Variants in KRT84 observed in about 807,000 individuals in gnomAD.
KRT84 encodes keratin 84, also known as keratin, type II cuticular Hb4.
KRT84 carries 38 observed loss-of-function variants against 49.0 expected under a neutral mutation model. The observed-to-expected ratio is 0.78, with a 90% CI of 0.60 to 1.02. The LOEUF (loss-of-function observed/expected upper bound fraction) is 1.02. Ranked by LOEUF, KRT84 falls within the 50% of genes least tolerant of loss-of-function variation. The pLI is 0.00. For synonymous variants in KRT84, 334 were observed against 312.8 expected (o/e 1.07, Z -0.72); for missense variants, 860 against 788.6 (o/e 1.09, Z -1.08).
rs748083086 is a variant in KRT84, at chr12:52,383,658, G to A, written c.687C>T (p.Val229=). 1.9e-6 allele frequency: 3 copies of A among 1,614,120 alleles called. No individual in the cohort carries two copies. The Admixed American group carries it at 5.0e-5, about 27-fold the overall frequency. The change falls in exon 2 of 9, where the codon GTC becomes GTT. Residue 229 remains valine (V), a synonymous_variant. Transcript: ENST00000257951. ...CAGCCTGGAGCCGGGCCTGATCACTGACCAGCACCTCCAACTGCCTCCGCA... is the reference window on the plus strand; with the variant it reads ...CAGCCTGGAGCCGGGCCTGATCACTAACCAGCACCTCCAACTGCCTCCGCA... ...TNLRRQLEVL[V]SDQARLQAER... is the part of the protein sequence containing the mutation.
In KRT84 at chr12:52,378,385, G is replaced by T. The variant is rs766518950; in HGVS notation, c.1457-5C>A. On this transcript the variant is annotated splice_region_variant and splice_polypyrimidine_tract_variant and intron_variant, in intron 8 of 8. Transcript: ENST00000257951. ...CGCCCCGGGAGCTGCTGACGGCTGC[G>T]GAGAAAGAAAGCATCAGGGAGGCTG... 6.9e-7 allele frequency: 1 copy of T among 1,451,526 alleles called. No homozygotes were observed. The highest frequency in any genetic ancestry group is 9.0e-7 in the Non-Finnish European group (1 of 1,105,172). 89.9% of individuals were successfully genotyped at this position (1,451,526 alleles called of 1,614,324 possible).
Position 52,381,170 on chromosome 12 carries a change from A to G in KRT84, c.1113T>C (p.Cys371=), listed in dbSNP as rs772063198. The part of the protein sequence containing the change: ...EEMQVTAGQH[C]DNLRNIRNEI... ...CGTTCCGTATGTTGCGCAGGTTGTC[A>G]CAGTGTTGGCCAGCTGTCACCTGCA... is the stretch of plus-strand genomic sequence containing the variant. Residue 371 remains cysteine (C), a synonymous_variant, in exon 6 of 9, where the codon TGT becomes TGC. Coordinates refer to ENST00000257951, the MANE Select transcript of KRT84 (RefSeq NM_033045.4). 3.5e-5 allele frequency: 57 copies of G among 1,613,946 alleles called. No homozygotes were observed. The highest frequency in any genetic ancestry group is 4.5e-5 in the Non-Finnish European group (53 of 1,180,018).
At position 52,381,471 on chromosome 12, in the gene KRT84, C is replaced by G; in HGVS notation, c.967G>C (p.Asp323His). The G allele has an allele frequency of 6.2e-7, 1 of 1,614,156 alleles. No homozygotes were observed. Among genetic ancestry groups the G allele is most frequent in the Non-Finnish European group, 8.5e-7 (1 of 1,180,044 alleles). ...TCAAGGTTCAGGTCACGGCTGTTGTCCATCTTCACAATGACCGACGTCTCT... is the reference window on the plus strand; with the variant it reads ...TCAAGGTTCAGGTCACGGCTGTTGTGCATCTTCACAATGACCGACGTCTCT... ...ISETSVIVKM[D>H]NSRDLNLDGI... The change falls in exon 5 of 9, where the codon GAC becomes CAC. Residue 323 changes from aspartate (D) to histidine (H), a missense_variant. Physicochemically the swap from Asp to His is moderately conservative, Grantham distance 81. Transcript: ENST00000257951.
At chr12:52,386,492 G>A (rs941677123), upstream of KRT84, among the ~76,000 whole-genome samples, 2 of 151,466 alleles carry the variant, frequency 1.3e-5, no homozygotes, top group African/African-American at 4.9e-5. Flanking sequence ...AGATAGCTGG[G>A]ACTACAGGCA....
Position 52,381,160 on chromosome 12 carries a change from G to C in KRT84, c.1123C>G (p.Arg375Gly). Reference protein sequence around the residue: ...VTAGQHCDNLRNIRNEINELT... With the variant: ...VTAGQHCDNLGNIRNEINELT... ...TCGTTGATCTCGTTCCGTATGTTGC[G>C]CAGGTTGTCACAGTGTTGGCCAGCT... is the stretch of plus-strand genomic sequence containing the variant. The change falls in exon 6 of 9, where the codon CGC becomes GGC. Residue 375 changes from arginine to glycine, a missense_variant. Arg to Gly is a moderately radical substitution (Grantham distance 125). Transcript: ENST00000257951. The C allele has an allele frequency of 6.2e-7, 1 of 1,614,092 alleles. No individual in the cohort carries two copies. The highest frequency in any genetic ancestry group is 8.5e-7 in the Non-Finnish European group (1 of 1,180,018).
At position 52,385,480 on chromosome 12, in the gene KRT84, C is replaced by G. The variant is rs374264728; in HGVS notation, c.106G>C (p.Val36Leu). 3.9e-5 allele frequency: 63 copies of G among 1,614,116 alleles called. No homozygotes were observed. The highest frequency in any genetic ancestry group is 5.3e-5 in the Non-Finnish European group (62 of 1,180,054). Reference protein sequence around the residue: ...QNLNRFRANSVSCWSGPGFRG... With the variant: ...QNLNRFRANSLSCWSGPGFRG... Reference sequence around the variant, plus strand: ...AATCCAGGCCCACTCCAACAGGAGACAGAGTTGGCCCGGAAGCGATTCAGG... The same window carrying G: ...AATCCAGGCCCACTCCAACAGGAGAGAGAGTTGGCCCGGAAGCGATTCAGG... Residue 36 changes from valine (V) to leucine (L), a missense_variant, in exon 1 of 9, where the codon GTC (valine) becomes CTC (leucine). Val to Leu is a conservative substitution (Grantham distance 32, BLOSUM62 1). Coordinates refer to ENST00000257951, the MANE Select transcript of KRT84 (RefSeq NM_033045.4).
intron 7 of KRT84, 117 bp from the exon 8 acceptor site, chr12:52,380,024 G>T (rs1271804141): frequency 3.5e-6 from 3 of 865,910 alleles, no homozygotes; most frequent in African/African-American, 1.7e-5. Flanking sequence ...TCTCACCCCT[G>T]GTTATACACA....
At chr12:52,383,109 G>C in intron 2 of KRT84, 44 bp from the exon 3 acceptor site, 1 of 1,543,008 alleles carries the variant, frequency 6.5e-7, no homozygotes, top group Non-Finnish European at 9.0e-7. Flanking sequence ...TCTGAACTGA[G>C]AGGCAGTTAC....
chr12:52,383,896 T>C, intron 1 of KRT84, 98 bp from the exon 2 acceptor site: 1 of 934,252 alleles, frequency 1.1e-6, no homozygotes, highest in Non-Finnish European at 1.6e-6. Context: ...TGACCACATG[T>C]CGACAGGGTT....
Position 52,378,033 on chromosome 12 carries a change from C to T in KRT84, c.*1G>A. 3 of 1,460,562 alleles carry T rather than the reference C, an allele frequency of 2.1e-6. No homozygotes were observed. Among genetic ancestry groups the T allele is most frequent in the South Asian group, 3.0e-5 (2 of 66,572 alleles). The allele number at this position is 1,460,562 out of a possible 1,614,324, so 90.5% of individuals were successfully genotyped here. On this transcript the variant is annotated 3_prime_UTR_variant, in exon 9 of 9. Coordinates refer to ENST00000257951, the MANE Select transcript of KRT84 (RefSeq NM_033045.4). ...GGCAGCAGCTGTCTGGGGCTGGGCT[C>T]TCAGTACTTGGTCCGGCAGGAGGTG...
At chr12:52,381,014 G>T (rs1565775103) in intron 6 of KRT84, 66 bp downstream of exon 6, 2 of 1,583,974 alleles carry the variant, frequency 1.3e-6, no homozygotes, top group South Asian at 2.3e-5. Context: ...TTAGACTTGG[G>T]GGTTCCCAAA....
rs539883178 is a variant in KRT84 at position 52,378,089 on chromosome 12, C to T, written c.1748G>A (p.Arg583His). 20 of 1,498,352 alleles carry T rather than the reference C, an allele frequency of 1.3e-5. No individual in the cohort carries two copies. The highest frequency in any genetic ancestry group is 2.0e-4 in the Middle Eastern group (1 of 4,956). The allele number at this position is 1,498,352 out of a possible 1,614,324, so 92.8% of individuals were successfully genotyped here. A position where few individuals can be genotyped will look rare whatever the true frequency, so the allele number is the denominator to read the frequency against. ...GGACACAAAGCGGACGCTGGAGCTGCGGCCGCCGCTGCAGCTGCTGAAGCC... is the reference window on the plus strand; with the variant it reads ...GGACACAAAGCGGACGCTGGAGCTGTGGCCGCCGCTGCAGCTGCTGAAGCC... ...QGGFSSCSGG[R>H]SSSVRFVSTT... The change falls in exon 9 of 9, where the codon CGC becomes CAC. Residue 583 changes from arginine (R) to histidine (H), a missense_variant. Arg to His is a conservative substitution (Grantham distance 29, BLOSUM62 0). Coordinates refer to ENST00000257951, the MANE Select transcript of KRT84 (RefSeq NM_033045.4).
In KRT84 at chr12:52,380,484, G is replaced by T; in HGVS notation, c.1303C>A (p.Gln435Lys). 6.2e-7 allele frequency: 1 copy of T among 1,614,022 alleles called. No homozygotes were observed. The highest frequency in any genetic ancestry group is 1.3e-5 in the African/African-American group (1 of 75,066). ...CKLADLECAL[Q>K]QAKQDMARQL... is the part of the protein sequence containing the mutation. Reference sequence around the variant, plus strand: ...CGCGCCATGTCCTGCTTGGCCTGCTGCAGGGCACACTCCAGATCTGCCAGC... The same window carrying T: ...CGCGCCATGTCCTGCTTGGCCTGCTTCAGGGCACACTCCAGATCTGCCAGC... The change falls in exon 7 of 9, where the codon CAG becomes AAG. Residue 435 changes from glutamine (Q) to lysine (K), a missense_variant. Gln to Lys is a moderately conservative substitution (Grantham distance 53). Transcript: ENST00000257951.
chr12:52,380,022 CT>C (rs1466343882), intron 7 of KRT84, 115 bp from the exon 8 acceptor site: 2 of 894,684 alleles, frequency 2.2e-6, no homozygotes, highest in Non-Finnish European at 3.6e-6. Flanking sequence ...GTTCTCACCC[CT>C]GGTTATACAC....
rs1374548391 is a variant in KRT84 at position 52,378,340 on chromosome 12, C to T, written c.1497G>A (p.Glu499=). Residue 499 remains glutamate (E), a synonymous_variant, in exon 9 of 9, where the codon GAG becomes GAA. Transcript: ENST00000257951. ...AGAGGGTGGAGCCGGCAACCAAAGG[C>T]TCAGGCCCGCACACCAGGCCGCCCC... The part of the protein sequence containing the change: ...SSRGGLVCGP[E]PLVAGSTLSR... 4 of 1,517,340 alleles carry T rather than the reference C, an allele frequency of 2.6e-6. No homozygotes were observed. Among genetic ancestry groups the T allele is most frequent in the Non-Finnish European group, 2.6e-6 (3 of 1,136,738 alleles). The allele number at this position is 1,517,340 out of a possible 1,614,324, so 94.0% of individuals were successfully genotyped here.
At chr12:52,384,106 A>G (rs546650537) in intron 1 of KRT84, among the ~76,000 whole-genome samples, 1 of 152,338 alleles carries the variant, frequency 6.6e-6, no homozygotes, top group Admixed American at 6.5e-5. Flanking sequence ...GATTCTATTT[A>G]AGCTCTGGTT....
intron 2 of KRT84, 38 bp downstream of exon 2, chr12:52,383,552 G>A: frequency 6.3e-7 from 1 of 1,576,336 alleles, no homozygotes; most frequent in Non-Finnish European, 8.7e-7. Context: ...GGCCAGGCCT[G>A]GCCTGTCACT....
chr12:52,380,695 T>A, intron 6 of KRT84, 112 bp from the exon 7 acceptor site: 2 of 1,115,188 alleles, frequency 1.8e-6, no homozygotes, highest in Non-Finnish European at 2.5e-6. Flanking sequence ...AAGGCAGGGA[T>A]GGACCCCATG....
intron 7 of KRT84, among the ~76,000 whole-genome samples, 173 bp from the exon 8 acceptor site, chr12:52,380,080 A>G (rs568890898): frequency 6.6e-6 from 1 of 152,238 alleles, no homozygotes; most frequent in South Asian, 2.1e-4. Flanking sequence ...CTATCCCAAA[A>G]CCATTAGATT....
Sources: allele counts gnomAD v4.1 joint callset (sites outside exome capture counted in the v4.1 genomes callset), GRCh38; gene constraint gnomAD v4.1.1; transcripts MANE v1.5; gene names NCBI Gene and HGNC (gene_info 2026-07-23, HGNC 2026-07-21).